INPP5B: variants seen among roughly 807,000 people sequenced by gnomAD.
The protein encoded by INPP5B is type II inositol 1,4,5-trisphosphate 5-phosphatase.
Under a neutral mutation model 118.5 loss-of-function variants are expected in INPP5B, and 90 were observed. The ratio of observed to expected loss-of-function variants is 0.76; its 90% CI spans 0.64 to 0.90. INPP5B has a LOEUF of 0.90. Ranked by LOEUF, INPP5B falls within the 40% of genes least tolerant of loss-of-function variation. The pLI is 0.00. For missense variants in INPP5B, 984 were observed against 1,125.6 expected, an observed-to-expected ratio of 0.87 and a Z score of 1.80; for synonymous variants, 385 against 418.9, an observed-to-expected ratio of 0.92 and a Z score of 0.99.
intron 11 of INPP5B, among the ~76,000 whole-genome samples, 167 bp downstream of exon 11, chr1:37,887,184 C>G (rs935111823): frequency 3.3e-5 from 5 of 152,086 alleles, no homozygotes; most frequent in Non-Finnish European, 7.4e-5. Context: ...GTGGCGAGAC[C>G]CTGCATCTTT....
At chr1:37,876,723 A>AAC (rs55847231) in intron 16 of INPP5B, among the ~76,000 whole-genome samples, 1 of 148,464 alleles carries the variant, frequency 6.7e-6, no homozygotes, top group African/African-American at 2.5e-5. Context: ...AAAAAAAAAA[A>AAC]CCATTAGCCG....
At chr1:37,902,745 A>G (rs1644377197) in intron 7 of INPP5B, among the ~76,000 whole-genome samples, 1 of 152,018 alleles carries the variant, frequency 6.6e-6, no homozygotes, top group South Asian at 2.1e-4. Flanking sequence ...TTTAGTAGAG[A>G]TGGGATTTCT....
At chr1:37,913,111 G>C (rs1003830001) in intron 7 of INPP5B, among the ~76,000 whole-genome samples, 1 of 152,098 alleles carries the variant, frequency 6.6e-6, no homozygotes, top group Non-Finnish European at 1.5e-5. Flanking sequence ...CAAAAACTTA[G>C]CTGGGCGTGG....
At chr1:37,941,378 T>G (rs1645901633) in intron 5 of INPP5B, among the ~76,000 whole-genome samples, 1 of 152,104 alleles carries the variant, frequency 6.6e-6, no homozygotes, top group Non-Finnish European at 1.5e-5. Flanking sequence ...CTGGGCACAG[T>G]GACCCATGCC....
intron 23 of INPP5B, among the ~76,000 whole-genome samples, chr1:37,862,754 G>A (rs1392791565): frequency 6.6e-6 from 1 of 152,232 alleles, no homozygotes; most frequent in Non-Finnish European, 1.5e-5. Flanking sequence ...TGAGCTGGGT[G>A]TGGTGGCTCA....
intron 7 of INPP5B, among the ~76,000 whole-genome samples, chr1:37,927,938 G>A (rs1645300290): frequency 6.6e-6 from 1 of 152,184 alleles, no homozygotes; most frequent in Non-Finnish European, 1.5e-5. Flanking sequence ...AATCATCAAA[G>A]ATCATTCCTA....
rs1643474686 is a variant in INPP5B at position 37,885,473 on chromosome 1, G to C, written c.1319+165C>G. ...AGAGATCTGCCAGATAGCAAGTTAG[G>C]AAACTAAATATTTTCAAGAGATATA... On this transcript the variant is annotated intron_variant, in intron 13 of 23. Transcript: ENST00000373024. The C allele has an allele frequency of 2.0e-5, 11 of 551,168 alleles. No homozygotes were observed. In the South Asian group the frequency reaches 3.3e-4, roughly 16 times the overall value. The allele number at this position is 551,168 out of a possible 1,614,324, so 34.1% of individuals were successfully genotyped here. A position where few individuals can be genotyped will look rare whatever the true frequency, so the allele number is the denominator to read the frequency against.
chr1:37,883,257 C>T, intron 13 of INPP5B: 1 of 985,410 alleles, frequency 1.0e-6, no homozygotes, highest in South Asian at 4.7e-5. Context: ...GAGAGTCACG[C>T]CAATCACCCA....
In INPP5B at chr1:37,864,384, G is replaced by A. The variant is rs1399521521; in HGVS notation, c.2554C>T (p.His852Tyr). 4 of 1,612,870 alleles carry A rather than the reference G, an allele frequency of 2.5e-6. No homozygotes were observed. In the East Asian group the frequency reaches 8.9e-5, roughly 36 times the overall value. Reference protein sequence around the residue: ...TLPIFHKNVFHYLMAFLRELL... With the variant: ...TLPIFHKNVFYYLMAFLRELL... ...TCTCGCAAAAACGCCATCAAGTAGT[G>A]GAAGACATTTTTGTGGAATATGGGG... Residue 852 changes from histidine (H) to tyrosine (Y), a missense_variant, in exon 23 of 24, where the codon CAC becomes TAC. Coordinates refer to ENST00000373024, the MANE Select transcript of INPP5B (RefSeq NM_005540.3).
chr1:37,934,659 C>G (rs1218640337), intron 6 of INPP5B, among the ~76,000 whole-genome samples: 1 of 152,118 alleles, frequency 6.6e-6, no homozygotes, highest in African/African-American at 2.4e-5. Flanking sequence ...CTGAGGAAAT[C>G]CCCATCATGA....
At position 37,878,077 on chromosome 1, in the gene INPP5B, G is replaced by T. The variant is rs1160706255; in HGVS notation, c.1677+111C>A. The T allele has an allele frequency of 3.2e-6, 4 of 1,260,924 alleles. No individual in the cohort carries two copies. The South Asian group carries it at 5.9e-5, about 19-fold the overall frequency. 78.1% of individuals were successfully genotyped at this position (1,260,924 alleles called of 1,614,324 possible). ...ATTGTTTTAAATTGTCCTAAAAGGG[G>T]CTTCTTCCCTCTCAAAAGGAGAGGA... On this transcript the variant is annotated intron_variant, in intron 16 of 23. Coordinates refer to ENST00000373024, the MANE Select transcript of INPP5B (RefSeq NM_005540.3).
chr1:37,873,532 C>T (rs1642599709), intron 18 of INPP5B: 2 of 326,424 alleles, frequency 6.1e-6, no homozygotes, highest in Non-Finnish European at 5.8e-6. Flanking sequence ...ACGCAATTAT[C>T]GGCCTGTGAA....
At chr1:37,866,406 T>TCTCTCTCTCA (rs748938943) in intron 21 of INPP5B, 53 bp downstream of exon 21, 7,011 of 400,040 alleles carry the variant, frequency 0.018, 42 homozygotes, top group Middle Eastern at 0.031. Context: ...TCTCTCTCTC[T>TCTCTCTCTCA]CACACACACA....
At chr1:37,916,373 C>T (rs1474751246) in intron 7 of INPP5B, among the ~76,000 whole-genome samples, 1 of 151,632 alleles carries the variant, frequency 6.6e-6, no homozygotes, top group African/African-American at 2.4e-5. Flanking sequence ...AGATTACAGG[C>T]ATGAGCCACT....
chr1:37,896,134 T>C (rs34100868), intron 7 of INPP5B, among the ~76,000 whole-genome samples: 17,553 of 146,644 alleles, frequency 0.12, 744 homozygotes, highest in East Asian at 0.17. Flanking sequence ...CCGCCCATCG[T>C]CTGAGATGTG....
chr1:37,930,221 C>T (rs1645398422), intron 7 of INPP5B: 1 of 152,146 alleles, frequency 6.6e-6, no homozygotes, highest in Admixed American at 6.6e-5. Context: ...CCATGTTCAG[C>T]TTTCAAATTA....
intron 7 of INPP5B, among the ~76,000 whole-genome samples, chr1:37,915,544 T>G (rs927260680): frequency 6.6e-6 from 1 of 152,182 alleles, no homozygotes; most frequent in African/African-American, 2.4e-5. Flanking sequence ...TTGAGGATGG[T>G]AGTTAATGAG....
chr1:37,898,288 T>C (rs1644198381), intron 7 of INPP5B, among the ~76,000 whole-genome samples: 1 of 152,178 alleles, frequency 6.6e-6, no homozygotes, highest in African/African-American at 2.4e-5. Flanking sequence ...TGGGGTCAAA[T>C]AAATGAAGAA....
At chr1:37,943,610 A>G in intron 5 of INPP5B, 30 bp downstream of exon 5, 1 of 1,612,966 alleles carries the variant, frequency 6.2e-7, no homozygotes, top group Non-Finnish European at 8.5e-7. Flanking sequence ...CCCTGCCCCG[A>G]GTGGGACCCA....
Sources: allele counts gnomAD v4.1 joint callset (sites outside exome capture counted in the v4.1 genomes callset), GRCh38; gene constraint gnomAD v4.1.1; transcripts MANE v1.5; gene names NCBI Gene and HGNC (gene_info 2026-07-23, HGNC 2026-07-21).